Variants in CYB5R2 observed in about 807,000 individuals in gnomAD.
The protein encoded by CYB5R2 is cytochrome b5 reductase 2, also known as NADH-cytochrome b5 reductase 2.
CYB5R2 carries 35 observed loss-of-function variants against 29.8 expected under a neutral mutation model. The observed-to-expected ratio is 1.17, with a 90% CI of 0.90 to 1.56. CYB5R2 has a LOEUF of 1.56. Among genes scored for constraint, CYB5R2 ranks in the 40% most tolerant of loss-of-function variants. The pLI, the probability that CYB5R2 is intolerant of heterozygous loss-of-function variation, is 0.00. For missense variants in CYB5R2, 419 were observed against 346.7 expected (o/e 1.21, Z -1.66); for synonymous variants, 169 against 130.6 (o/e 1.29, Z -2.01).
chr11:7,672,543 G>A lies in CYB5R2; in HGVS notation c.79-20C>T, dbSNP rs1190738328. 1 of 1,613,086 alleles carries A rather than the reference G, an allele frequency of 6.2e-7. No individual in the cohort carries two copies. The highest frequency in any genetic ancestry group is 2.2e-5 in the East Asian group (1 of 44,866). On this transcript the variant is annotated intron_variant, in intron 2 of 8. Coordinates refer to ENST00000299498, the MANE Select transcript of CYB5R2 (RefSeq NM_016229.5). Reference sequence around the variant, plus strand: ...GATTTTCTGATAAAACAAAACATAGGCAGGTTCTGTCAGCTTTCTAGAAGC... The same window carrying A: ...GATTTTCTGATAAAACAAAACATAGACAGGTTCTGTCAGCTTTCTAGAAGC...
intron 3 of CYB5R2, 100 bp downstream of exon 3, chr11:7,672,351 C>T (rs1407180826): frequency 6.9e-6 from 7 of 1,007,278 alleles, no homozygotes; most frequent in South Asian, 1.5e-5. Flanking sequence ...AAGAGGGCAT[C>T]TTCCACACCT....
In CYB5R2 at chr11:7,668,488, A is replaced by C; in HGVS notation, c.462T>G (p.Ala154=). The C allele has an allele frequency of 6.2e-7, 1 of 1,613,852 alleles. No homozygotes were observed. Among genetic ancestry groups the C allele is most frequent in the Non-Finnish European group, 8.5e-7 (1 of 1,179,760 alleles). The change falls in exon 6 of 9, where the codon GCT becomes GCG. Residue 154 remains alanine (A), a synonymous_variant. Coordinates refer to ENST00000299498, the MANE Select transcript of CYB5R2 (RefSeq NM_016229.5). The part of the protein sequence containing the change: ...KTLADHLGMI[A]GGTGITPMLQ... The stretch of plus-strand genomic sequence containing the variant: ...CTAGAAGCCTCTTACCTGTGCCCCC[A>C]GCAATCATTCCCAGGTGATCGGCCA...
At chr11:7,672,572 G>A (rs1855817378) in intron 2 of CYB5R2, 49 bp from the exon 3 acceptor site, 1 of 1,586,344 alleles carries the variant, frequency 6.3e-7, no homozygotes, top group Non-Finnish European at 8.7e-7. Flanking sequence ...TAGAAGCCTT[G>A]CTGGGCAGCT....
chr11:7,668,729 T>C, intron 5 of CYB5R2, 168 bp from the exon 6 acceptor site: 1 of 658,796 alleles, frequency 1.5e-6, no homozygotes, highest in Non-Finnish European at 2.7e-6. Context: ...CTAGCCCTGG[T>C]GCTCCAGTGC....
chr11:7,673,547 G>C (rs868227491), upstream of CYB5R2: 1 of 983,724 alleles, frequency 1.0e-6, no homozygotes, highest in South Asian at 4.7e-5. Flanking sequence ...CGCCCTTCGC[G>C]GTCCCGCCCA....
At chr11:7,673,738 C>T (rs1855907563), upstream of CYB5R2, 3 of 986,062 alleles carry the variant, frequency 3.0e-6, no homozygotes, top group African/African-American at 1.8e-5. Context: ...ACGCCCAACA[C>T]GTCGTCGAAC....
intron 7 of CYB5R2, 45 bp downstream of exon 7, chr11:7,667,683 C>T (rs1248202488): frequency 2.0e-6 from 3 of 1,516,558 alleles, no homozygotes; most frequent in Non-Finnish European, 2.7e-6. Context: ...GAGCCCAGCT[C>T]AGCAAACATT....
chr11:7,673,834 G>A, upstream of CYB5R2: 1 of 987,950 alleles, frequency 1.0e-6, no homozygotes. Flanking sequence ...CGGGGAACCG[G>A]CCGAGACCCG....
intron 2 of CYB5R2, 51 bp from the exon 3 acceptor site, chr11:7,672,574 TG>T: frequency 6.3e-7 from 1 of 1,590,046 alleles, no homozygotes. Flanking sequence ...GAAGCCTTGC[TG>T]GGCAGCTGAG....
At position 7,665,566 on chromosome 11, in the gene CYB5R2, G is replaced by C. The variant is rs200279316; in HGVS notation, c.659-20C>G. ...TCCAGCCTGAAATGAAGGAGATGCA[G>C]GAGCAAGCTGAGCGATGCCAGGTGG... On this transcript the variant is annotated intron_variant, in intron 8 of 8. Transcript: ENST00000299498. 1 of 1,585,090 alleles carries C rather than the reference G, an allele frequency of 6.3e-7. No homozygotes were observed. The highest frequency in any genetic ancestry group is 2.2e-5 in the East Asian group (1 of 44,672).
intron 3 of CYB5R2, 64 bp downstream of exon 3, chr11:7,672,387 G>C (rs1205952100): frequency 1.4e-6 from 2 of 1,436,124 alleles, no homozygotes; most frequent in Non-Finnish European, 2.0e-6. Flanking sequence ...CTGTGTTTCT[G>C]TTAAGAGAGG....
intron 3 of CYB5R2, chr11:7,671,414 G>T (rs1407188225): frequency 6.6e-6 from 1 of 152,242 alleles, no homozygotes; most frequent in African/African-American, 2.4e-5. Flanking sequence ...AACTTTGCAC[G>T]GCCTAGGCCA....
intron 7 of CYB5R2, chr11:7,667,380 A>G (rs1349065569): frequency 6.3e-6 from 1 of 158,908 alleles, no homozygotes; most frequent in East Asian, 1.8e-4. Context: ...CATATATAGA[A>G]AAAAGATTTA....
intron 7 of CYB5R2, chr11:7,667,154 G>GA (rs1332488607): frequency 6.6e-6 from 1 of 152,122 alleles, no homozygotes; most frequent in Non-Finnish European, 1.5e-5. Context: ...TTCTGTTTTA[G>GA]AAAATAATCT....
intron 5 of CYB5R2, 36 bp from the exon 6 acceptor site, chr11:7,668,597 T>C: frequency 6.5e-7 from 1 of 1,537,012 alleles, no homozygotes; most frequent in Non-Finnish European, 9.0e-7. Context: ...CCTCTGCAGT[T>C]CTTGCCTAAA....
intron 5 of CYB5R2, 51 bp downstream of exon 5, chr11:7,669,154 T>C (rs767178237): frequency 6.8e-6 from 11 of 1,611,220 alleles, no homozygotes; most frequent in Non-Finnish European, 9.3e-6. Flanking sequence ...ATGGAACCAT[T>C]GCAGGAATCT....
upstream of CYB5R2, chr11:7,673,668 C>G (rs1855902247): frequency 2.0e-6 from 2 of 985,372 alleles, no homozygotes; most frequent in Non-Finnish European, 2.4e-6. Flanking sequence ...GCCGTCCCGA[C>G]GGAGATATTT....
chr11:7,668,687 G>C, intron 5 of CYB5R2, 126 bp from the exon 6 acceptor site: 2 of 816,582 alleles, frequency 2.4e-6, no homozygotes, highest in Non-Finnish European at 4.2e-6. Context: ...ACCATTTTAA[G>C]CTGGAGAAGC....
At position 7,669,202 on chromosome 11, in the gene CYB5R2, T is replaced by TAC; in HGVS notation, c.388+1_388+2dup. 1.2e-6 allele frequency: 2 copies of TAC among 1,614,020 alleles called. No homozygotes were observed. The highest frequency in any genetic ancestry group is 2.2e-5 in the South Asian group (2 of 91,074). On this transcript the variant is annotated splice_region_variant and intron_variant, in intron 5 of 8. Transcript: ENST00000299498. Reference sequence around the variant, plus strand: ...GGAGCCCAAGTATTAACCCCTCCAGTACCTGGCCCATGGTAAAACAAGCGT... The same window carrying TAC: ...GGAGCCCAAGTATTAACCCCTCCAGTACACCTGGCCCATGGTAAAACAAGCGT...
Sources: allele counts gnomAD v4.1 joint callset, GRCh38; gene constraint gnomAD v4.1.1; transcripts MANE v1.5; gene names NCBI Gene and HGNC (gene_info 2026-07-23, HGNC 2026-07-21).